SRD5A1: variants seen among roughly 807,000 people sequenced by gnomAD.
SRD5A1 encodes 3-oxo-5-alpha-steroid 4-dehydrogenase 1.
A neutral mutation model predicts 28.2 loss-of-function variants in SRD5A1; 22 were observed. The observed-to-expected ratio is 0.78, with a 90% CI of 0.56 to 1.12. The LOEUF (loss-of-function observed/expected upper bound fraction) is 1.12, where lower values mean the gene tolerates loss of function less well. Ranked by LOEUF, SRD5A1 falls within the 50% of genes most tolerant of loss-of-function variation. SRD5A1 has a pLI of 0.00. For synonymous variants in SRD5A1, 151 were observed against 135.0 expected (o/e 1.12, Z -0.82); for missense variants, 300 against 346.7 (o/e 0.87, Z 1.07).
chr5:6,647,281 G>A (rs566040783), intron 1 of SRD5A1, among the ~76,000 whole-genome samples: 1 of 152,002 alleles, frequency 6.6e-6, no homozygotes, highest in South Asian at 2.1e-4. Context: ...TTCTGTAGAT[G>A]TCTACTAGGT....
intron 1 of SRD5A1, among the ~76,000 whole-genome samples, chr5:6,636,799 G>A (rs1343119233): frequency 6.6e-6 from 1 of 152,158 alleles, no homozygotes; most frequent in Admixed American, 6.5e-5. Context: ...GCGTTGTGCT[G>A]GGGATATAGT....
intron 4 of SRD5A1, among the ~76,000 whole-genome samples, chr5:6,665,606 A>T (rs1739147404): frequency 6.6e-6 from 1 of 152,206 alleles, no homozygotes; most frequent in East Asian, 1.9e-4. Flanking sequence ...TGAAGATGCC[A>T]TCCTTTTATA....
intron 2 of SRD5A1, among the ~76,000 whole-genome samples, chr5:6,655,603 G>C (rs1738808604): frequency 6.6e-6 from 1 of 152,246 alleles, no homozygotes; most frequent in Non-Finnish European, 1.5e-5. Flanking sequence ...TCTACTCCTA[G>C]GAACTGCCAC....
At chr5:6,649,189 G>A (rs1015305847) in intron 1 of SRD5A1, among the ~76,000 whole-genome samples, 11 of 152,190 alleles carry the variant, frequency 7.2e-5, no homozygotes, top group African/African-American at 2.4e-4. Context: ...TTCCAGTGTG[G>A]ATACACAGGG....
intron 1 of SRD5A1, among the ~76,000 whole-genome samples, chr5:6,641,908 A>C (rs577625615): frequency 6.6e-6 from 1 of 152,248 alleles, no homozygotes. Flanking sequence ...TGTCAAGTTG[A>C]TGTCTCCAAA....
intron 1 of SRD5A1, among the ~76,000 whole-genome samples, chr5:6,637,815 C>G (rs1330218128): frequency 6.6e-6 from 1 of 152,210 alleles, no homozygotes; most frequent in Non-Finnish European, 1.5e-5. Flanking sequence ...TGTACTCAGC[C>G]AGGTCCATGA....
intron 1 of SRD5A1, among the ~76,000 whole-genome samples, chr5:6,638,902 G>T (rs902804407): frequency 2.0e-5 from 3 of 152,188 alleles, no homozygotes; most frequent in African/African-American, 7.2e-5. Context: ...GGGGAAAAAA[G>T]CAATAAAGTC....
chr5:6,640,431 C>T (rs561505381), intron 1 of SRD5A1, among the ~76,000 whole-genome samples: 2 of 152,308 alleles, frequency 1.3e-5, no homozygotes, highest in East Asian at 3.9e-4. Context: ...AGTTCAGCTC[C>T]ATCATCAAAC....
chr5:6,648,653 G>A (rs1336148486), intron 1 of SRD5A1, among the ~76,000 whole-genome samples: 2 of 152,162 alleles, frequency 1.3e-5, no homozygotes, highest in Non-Finnish European at 2.9e-5. Context: ...ATTCTAGTTA[G>A]CAATTCCTCT....
rs1047798470 is a variant in SRD5A1 at position 6,673,017 on chromosome 5, G to A, written c.*4749G>A. ...CCCCCACTGCAAAGCAGCAAAATCT[G>A]CTCTCAAAGGCTTCACGTAGCCGGG... On this transcript the variant is annotated 3_prime_UTR_variant, in exon 5 of 5. Transcript: ENST00000274192. 6 of 152,174 alleles carry A rather than the reference G, an allele frequency of 3.9e-5. No individual in the cohort carries two copies. Among genetic ancestry groups the A allele is most frequent in the African/African-American group, 1.4e-4 (6 of 41,434 alleles). The allele number at this position is 152,174 out of a possible 1,614,324, so 9.4% of individuals were successfully genotyped here.
At chr5:6,663,950 C>G (rs1739086169) in intron 4 of SRD5A1, among the ~76,000 whole-genome samples, 1 of 152,146 alleles carries the variant, frequency 6.6e-6, no homozygotes, top group African/African-American at 2.4e-5. Flanking sequence ...GATGAGGAAA[C>G]TGAGGTTCAG....
In SRD5A1 at chr5:6,662,828, A is replaced by T; in HGVS notation, c.575A>T (p.Glu192Val). The part of the protein sequence containing the change: ...GYKIPRGGLF[E>V]YVTAANYFGE... ...TGTTTTCTTCTAGGAGGCTTATTTG[A>T]ATACGTAACTGCAGCCAACTATTTT... Residue 192 changes from glutamate (E) to valine (V), a missense_variant, in exon 4 of 5, where the codon GAA (glutamate) becomes GTA (valine). Physicochemically the swap from Glu to Val is moderately radical, Grantham distance 121 (BLOSUM62 -2). Coordinates refer to ENST00000274192, the MANE Select transcript of SRD5A1 (RefSeq NM_001047.4). 6.2e-7 allele frequency: 1 copy of T among 1,612,306 alleles called. No individual in the cohort carries two copies.
In SRD5A1 at chr5:6,669,636, T is replaced by A. The variant is rs928474078; in HGVS notation, c.*1368T>A. The A allele has an allele frequency of 2.0e-5, 3 of 152,190 alleles. No homozygotes were observed. The highest frequency in any genetic ancestry group is 7.2e-5 in the African/African-American group (3 of 41,450). The allele number at this position is 152,190 out of a possible 1,614,324, so 9.4% of individuals were successfully genotyped here. A position where few individuals can be genotyped will look rare whatever the true frequency, so the allele number is the denominator to read the frequency against. ...CATCATATTTCCTGTTTTTATTTGG[T>A]TTTTTCAACTTCTTCTGTTTACTAT... On this transcript the variant is annotated 3_prime_UTR_variant, in exon 5 of 5. Coordinates refer to ENST00000274192, the MANE Select transcript of SRD5A1 (RefSeq NM_001047.4).
At chr5:6,643,774 G>A (rs923916647) in intron 1 of SRD5A1, among the ~76,000 whole-genome samples, 2 of 152,066 alleles carry the variant, frequency 1.3e-5, no homozygotes, top group African/African-American at 4.8e-5. Flanking sequence ...CCAATGAGCC[G>A]CCCGATAACC....
Position 6,674,209 on chromosome 5 carries a change from T to A in SRD5A1, c.*5941T>A, listed in dbSNP as rs1219183038. ...TGCTACTTAATTTTTGCTTTATTAT[T>A]ATTATGTTAATATCATCAACTGTAA... is the stretch of plus-strand genomic sequence containing the variant. On this transcript the variant is annotated 3_prime_UTR_variant, in exon 5 of 5. Transcript: ENST00000274192. 3 of 152,130 alleles carry A rather than the reference T, an allele frequency of 2.0e-5. No homozygotes were observed. Among genetic ancestry groups the A allele is most frequent in the Non-Finnish European group, 4.4e-5 (3 of 68,014 alleles). 9.4% of individuals were successfully genotyped at this position (152,130 alleles called of 1,614,324 possible).
chr5:6,638,253 C>T (rs1037095376), intron 1 of SRD5A1, among the ~76,000 whole-genome samples: 2 of 152,158 alleles, frequency 1.3e-5, no homozygotes, highest in Non-Finnish European at 2.9e-5. Context: ...GCAGGAGAAT[C>T]GCTTGAACCC....
At chr5:6,645,564 G>A (rs1283923645) in intron 1 of SRD5A1, among the ~76,000 whole-genome samples, 3 of 151,928 alleles carry the variant, frequency 2.0e-5, no homozygotes, top group African/African-American at 4.8e-5. Context: ...GCTTCAACCC[G>A]GGAGGCGGAG....
At chr5:6,662,291 C>T (rs1043534567) in intron 3 of SRD5A1, among the ~76,000 whole-genome samples, 1 of 152,250 alleles carries the variant, frequency 6.6e-6, no homozygotes, top group African/African-American at 2.4e-5. Context: ...TACTCCTCCC[C>T]CTCCATGAGC....
chr5:6,660,587 A>G (rs1208711535), intron 3 of SRD5A1, among the ~76,000 whole-genome samples: 1 of 152,272 alleles, frequency 6.6e-6, no homozygotes, highest in Non-Finnish European at 1.5e-5. Context: ...CAGAAGGAAC[A>G]GCGCTGTGAA....
Sources: allele counts gnomAD v4.1 joint callset (sites outside exome capture counted in the v4.1 genomes callset), GRCh38; gene constraint gnomAD v4.1.1; transcripts MANE v1.5; gene names NCBI Gene and HGNC (gene_info 2026-07-23, HGNC 2026-07-21).